The following TLCD4 variants were observed in gnomAD, a reference collection of about 807,000 sequenced individuals.
TLCD4 encodes the protein TLC domain containing 4.
Under a neutral mutation model 24.2 loss-of-function variants are expected in TLCD4, and 7 were observed. The ratio of observed to expected loss-of-function variants is 0.29; its 90% CI spans 0.16 to 0.54. The LOEUF (loss-of-function observed/expected upper bound fraction) is 0.54, where lower values mean the gene tolerates loss of function less well. Among genes scored for constraint, TLCD4 ranks in the 20% least tolerant of loss-of-function variants. The pLI is 0.95. For synonymous variants in TLCD4, 103 were observed against 106.4 expected, an observed-to-expected ratio of 0.97 and a Z score of 0.20; for missense variants, 259 against 313.9, an observed-to-expected ratio of 0.82 and a Z score of 1.32.
rs1387890172 is a variant in TLCD4, at chr1:95,194,408, C to G, written c.*2540C>G. 2 of 152,048 alleles carry G rather than the reference C, an allele frequency of 1.3e-5. No homozygotes were observed. Among genetic ancestry groups the G allele is most frequent in the East Asian group, 3.9e-4 (2 of 5,192 alleles). 9.4% of individuals were successfully genotyped at this position (152,048 alleles called of 1,614,324 possible). A position where few individuals can be genotyped will look rare whatever the true frequency, so the allele number is the denominator to read the frequency against. On this transcript the variant is annotated 3_prime_UTR_variant, in exon 7 of 7. Transcript: ENST00000370203. Reference sequence around the variant, plus strand: ...TGATTGTATTCACCTACCTAAAATACAAATGAAGACAGAACATATCATTTA... The same window carrying G: ...TGATTGTATTCACCTACCTAAAATAGAAATGAAGACAGAACATATCATTTA...
chr1:95,132,242 G>A (rs1676916625), intron 1 of TLCD4, among the ~76,000 whole-genome samples: 3 of 151,914 alleles, frequency 2.0e-5, no homozygotes, highest in Admixed American at 2.0e-4. Context: ...ATCACTAGAG[G>A]CCAGGAGTTC....
rs1678332317 is a variant in TLCD4 at position 95,174,120 on chromosome 1, C to G, written c.473+231C>G. The G allele has an allele frequency of 5.2e-6, 3 of 574,862 alleles. No homozygotes were observed. In the African/African-American group the frequency reaches 5.6e-5, roughly 11 times the overall value. 35.6% of individuals were successfully genotyped at this position (574,862 alleles called of 1,614,324 possible). On this transcript the variant is annotated intron_variant, in intron 6 of 6. Transcript: ENST00000370203. ...GCTAGCTTTTAAATCCTGCTCTTTG[C>G]AGTACGATGGTGCTTTATGATGCCT...
At chr1:95,151,481 G>T in intron 5 of TLCD4, 62 bp downstream of exon 5, 1 of 1,559,158 alleles carries the variant, frequency 6.4e-7, no homozygotes, top group Non-Finnish European at 8.7e-7. Context: ...TGATGTAAAG[G>T]TGAACATAAA....
At chr1:95,115,453 A>C (rs1037810731), upstream of TLCD4, among the ~76,000 whole-genome samples, 2 of 152,202 alleles carry the variant, frequency 1.3e-5, no homozygotes, top group African/African-American at 4.8e-5. Context: ...TGAATTTTTC[A>C]GGAAAAAATA....
chr1:95,154,963 A>G (rs1227477350), intron 5 of TLCD4, among the ~76,000 whole-genome samples: 2 of 151,198 alleles, frequency 1.3e-5, no homozygotes, highest in African/African-American at 4.9e-5. Flanking sequence ...CAGGATTCCA[A>G]TTTGGGATGC....
intron 1 of TLCD4, among the ~76,000 whole-genome samples, chr1:95,136,720 G>T (rs1677052365): frequency 6.6e-6 from 1 of 152,170 alleles, no homozygotes; most frequent in African/African-American, 2.4e-5. Flanking sequence ...TCAGAACTTT[G>T]CTGGGATCAA....
rs907250975 is a variant in TLCD4, at chr1:95,144,186, A to G, written c.155+130A>G. On this transcript the variant is annotated intron_variant, in intron 2 of 6. Coordinates refer to ENST00000370203, the MANE Select transcript of TLCD4 (RefSeq NM_152487.3). Reference sequence around the variant, plus strand: ...AAATTTTTATTTGATCTTAGAAATAAAAGGAAAAACAAGTAGATGATCTCA... The same window carrying G: ...AAATTTTTATTTGATCTTAGAAATAGAAGGAAAAACAAGTAGATGATCTCA... The G allele has an allele frequency of 4.4e-6, 5 of 1,148,012 alleles. No homozygotes were observed. In the African/African-American group the frequency reaches 8.0e-5, roughly 18 times the overall value. The allele number at this position is 1,148,012 out of a possible 1,614,324, so 71.1% of individuals were successfully genotyped here.
chr1:95,098,256 G>A, the TLCD4 span, among the ~76,000 whole-genome samples: 2 of 152,136 alleles, frequency 1.3e-5, no homozygotes, highest in Admixed American at 6.5e-5. Context: ...AATAACACTA[G>A]TCCTCGCTGC....
intron 6 of TLCD4, among the ~76,000 whole-genome samples, chr1:95,185,533 TCACCTCTTC>T (rs1314352670): frequency 1.3e-5 from 2 of 152,218 alleles, no homozygotes; most frequent in Non-Finnish European, 1.5e-5. Context: ...TCCAACTTCG[TCACCTCTTC>T]CACCTCTGCC....
chr1:95,098,145 T>C, the TLCD4 span, among the ~76,000 whole-genome samples: 1 of 152,310 alleles, frequency 6.6e-6, no homozygotes, highest in East Asian at 1.9e-4. Context: ...TAGCCCTTTA[T>C]TATATTCATT....
In TLCD4 at chr1:95,146,211, C is replaced by T. The variant is rs114379996; in HGVS notation, c.155+2155C>T. 9.4e-3 allele frequency among the ~76,000 whole-genome samples: 1,423 copies of T among 151,962 alleles called. 13 individuals carry two copies. Among genetic ancestry groups the T allele is most frequent in the Non-Finnish European group, 0.014 (974 of 67,956 alleles). Reference sequence around the variant, plus strand: ...TCACTGGAAATGCCCATTTGAGAGACAACAGTTTAGTTAAAAGTGAGAAAT... The same window carrying T: ...TCACTGGAAATGCCCATTTGAGAGATAACAGTTTAGTTAAAAGTGAGAAAT... On this transcript the variant is annotated intron_variant, in intron 2 of 6. Coordinates refer to ENST00000370203, the MANE Select transcript of TLCD4 (RefSeq NM_152487.3).
In TLCD4 at chr1:95,197,167, C is replaced by T. The variant is rs1026930489; in HGVS notation, c.*5299C>T. ...GAGAACATACCTTCTAATTTATTTC[C>T]ATAAGGCTGAAGAACTTTTATTTAC... is the stretch of plus-strand genomic sequence containing the variant. On this transcript the variant is annotated 3_prime_UTR_variant, in exon 7 of 7. Transcript: ENST00000370203. The T allele has an allele frequency of 9.2e-5, 14 of 151,940 alleles. No individual in the cohort carries two copies. Among genetic ancestry groups the T allele is most frequent in the Admixed American group, 7.9e-4 (12 of 15,250 alleles). 9.4% of individuals were successfully genotyped at this position (151,940 alleles called of 1,614,324 possible).
intron 5 of TLCD4, among the ~76,000 whole-genome samples, chr1:95,168,070 C>T (rs1048604242): frequency 6.6e-5 from 10 of 152,188 alleles, no homozygotes; most frequent in African/African-American, 2.4e-4. Flanking sequence ...TTAATTTTAA[C>T]TCTCTCGTTT....
chr1:95,143,028 A>T (rs113959762), intron 1 of TLCD4, among the ~76,000 whole-genome samples: 18,737 of 151,012 alleles, frequency 0.12, 1,198 homozygotes, highest in Middle Eastern at 0.17. Flanking sequence ...GCTGGCAGTC[A>T]GTCAGATTGG....
chr1:95,161,617 C>T (rs1677811185), intron 5 of TLCD4, among the ~76,000 whole-genome samples: 1 of 152,088 alleles, frequency 6.6e-6, no homozygotes, highest in South Asian at 2.1e-4. Context: ...TAGATCTTTC[C>T]TGCTTTCTCT....
chr1:95,162,431 C>T (rs577796676), intron 5 of TLCD4, among the ~76,000 whole-genome samples: 3 of 150,142 alleles, frequency 2.0e-5, no homozygotes, highest in Admixed American at 1.3e-4. Flanking sequence ...ATACAGCACA[C>T]TGATGGGACT....
chr1:95,122,444 T>C (rs1401564031), intron 1 of TLCD4, among the ~76,000 whole-genome samples: 1 of 152,242 alleles, frequency 6.6e-6, no homozygotes, highest in Non-Finnish European at 1.5e-5. Context: ...GCTTTTATCA[T>C]TGATATTCCG....
At chr1:95,098,992 G>C in the TLCD4 span, among the ~76,000 whole-genome samples, 1 of 143,052 alleles carries the variant, frequency 7.0e-6, no homozygotes, top group African/African-American at 2.6e-5. Flanking sequence ...AGCGGAGGTT[G>C]TGGTGAGCCG....
chr1:95,148,882 CAT>C (rs1356400005), intron 3 of TLCD4, 91 bp downstream of exon 3: 8 of 1,499,446 alleles, frequency 5.3e-6, no homozygotes, highest in African/African-American at 1.4e-5. Context: ...AAACAGAAAA[CAT>C]ATTGATCGTA....
Sources: gnomAD v4.1 joint callset for allele counts (sites outside exome capture counted in the v4.1 genomes callset) on GRCh38, gnomAD v4.1.1 for gene constraint, MANE v1.5 for transcripts, NCBI Gene and HGNC (gene_info 2026-07-23, HGNC 2026-07-21) for gene names.